RGS6: variants seen among roughly 807,000 people sequenced by gnomAD.
RGS6 encodes regulator of G-protein signaling 6.
In RGS6, 30 loss-of-function variants were observed where a neutral mutation model predicts 78.5. The ratio of observed to expected loss-of-function variants is 0.38; its 90% confidence interval spans 0.29 to 0.52. The LOEUF (loss-of-function observed/expected upper bound fraction) is 0.52, where lower values mean the gene tolerates loss of function less well. Ranked by LOEUF, RGS6 falls within the 20% of genes least tolerant of loss-of-function variation. The pLI is 0.85. For synonymous variants in RGS6, 206 were observed against 206.0 expected (o/e 1.00, Z 0.00); for missense variants, 495 against 609.7 (o/e 0.81, Z 1.98).
chr14:71,958,746 A>G (rs1302348337), intron 1 of RGS6, among the ~76,000 whole-genome samples: 1 of 152,180 alleles, frequency 6.6e-6, no homozygotes, highest in East Asian at 1.9e-4. Flanking sequence ...GCTCCATGGA[A>G]TCTAGGTCAG....
chr14:72,392,080 G>A (rs1344614761), intron 3 of RGS6, among the ~76,000 whole-genome samples: 2 of 152,034 alleles, frequency 1.3e-5, no homozygotes, highest in Non-Finnish European at 1.5e-5. Flanking sequence ...GTACAGTGGT[G>A]CAATCTCGGC....
At chr14:72,244,360 T>A (rs1227228586) in intron 2 of RGS6, among the ~76,000 whole-genome samples, 1 of 152,066 alleles carries the variant, frequency 6.6e-6, no homozygotes, top group Non-Finnish European at 1.5e-5. Context: ...GCCCACACTT[T>A]CTACTTCATC....
At chr14:72,007,154 T>C (rs1263081954) in intron 2 of RGS6, among the ~76,000 whole-genome samples, 2 of 113,542 alleles carry the variant, frequency 1.8e-5, no homozygotes, top group Non-Finnish European at 4.2e-5. Flanking sequence ...GCTTTCTGAT[T>C]TTTTTTTTTT....
intron 2 of RGS6, chr14:71,990,761 A>C (rs1308047455): frequency 2.2e-6 from 1 of 456,000 alleles, no homozygotes; most frequent in South Asian, 1.5e-5. Context: ...TCCTCTCTCC[A>C]AACTCCAAAT....
At chr14:72,520,156 C>T (rs188651378) in intron 15 of RGS6, among the ~76,000 whole-genome samples, 5,680 of 152,152 alleles carry the variant, frequency 0.037, 351 homozygotes, top group African/African-American at 0.13. Flanking sequence ...ATATGTATCT[C>T]TAAAAAAAAG....
intron 2 of RGS6, among the ~76,000 whole-genome samples, chr14:72,030,556 A>T (rs1423030761): frequency 1.3e-5 from 2 of 152,202 alleles, no homozygotes; most frequent in East Asian, 3.8e-4. Flanking sequence ...AAAAAATTAG[A>T]TGATCAAATT....
intron 3 of RGS6, among the ~76,000 whole-genome samples, chr14:72,411,910 A>G (rs957373561): frequency 6.6e-6 from 1 of 152,138 alleles, no homozygotes; most frequent in Non-Finnish European, 1.5e-5. Flanking sequence ...CCTCCCAGGG[A>G]TGAAGCCCAC....
chr14:72,083,844 A>G (rs1357694938), intron 2 of RGS6, among the ~76,000 whole-genome samples: 1 of 152,152 alleles, frequency 6.6e-6, no homozygotes, highest in Non-Finnish European at 1.5e-5. Flanking sequence ...CACGAATTAA[A>G]CATTGATTGC....
At chr14:72,431,417 A>G (rs1259615013) in intron 3 of RGS6, among the ~76,000 whole-genome samples, 2 of 152,146 alleles carry the variant, frequency 1.3e-5, no homozygotes, top group African/African-American at 4.8e-5. Flanking sequence ...CAGTGGTGCG[A>G]TCTTGGCTCA....
chr14:72,451,770 T>A (rs969619933), intron 3 of RGS6, among the ~76,000 whole-genome samples: 3 of 152,164 alleles, frequency 2.0e-5, no homozygotes, highest in Admixed American at 1.3e-4. Context: ...TTTTTCTTTT[T>A]TGAGACAGCG....
intron 13 of RGS6, among the ~76,000 whole-genome samples, chr14:72,501,804 C>T (rs1033917495): frequency 3.3e-5 from 5 of 152,234 alleles, no homozygotes; most frequent in Non-Finnish European, 7.3e-5. Context: ...GTATCAGGCA[C>T]ATGAGCAAAG....
At chr14:72,054,639 G>A (rs1292080371) in intron 2 of RGS6, among the ~76,000 whole-genome samples, 2 of 152,106 alleles carry the variant, frequency 1.3e-5, no homozygotes, top group Non-Finnish European at 2.9e-5. Flanking sequence ...ATGAAAACCT[G>A]TGAGTGCAAT....
intron 2 of RGS6, among the ~76,000 whole-genome samples, chr14:72,266,783 G>A (rs1438347973): frequency 6.6e-6 from 1 of 152,154 alleles, no homozygotes. Context: ...CTGAGGGACT[G>A]CTCTTTCTCC....
chr14:72,091,207 GGCACATAGA>G (rs2095258934), intron 2 of RGS6, among the ~76,000 whole-genome samples: 1 of 152,144 alleles, frequency 6.6e-6, no homozygotes, highest in Non-Finnish European at 1.5e-5. Flanking sequence ...GCTGCCTGCT[GGCACATAGA>G]GCCCTTGGGC....
intron 2 of RGS6, among the ~76,000 whole-genome samples, chr14:72,188,178 T>A (rs1252145950): frequency 6.6e-6 from 1 of 152,162 alleles, no homozygotes; most frequent in Non-Finnish European, 1.5e-5. Context: ...GTTGTAGTGC[T>A]GTTGCTGTGA....
At chr14:72,210,243 A>G (rs2043760602) in intron 2 of RGS6, among the ~76,000 whole-genome samples, 1 of 152,246 alleles carries the variant, frequency 6.6e-6, no homozygotes, top group Admixed American at 6.5e-5. Context: ...GCTCAGAAGA[A>G]GCAAGTTATT....
chr14:72,156,453 CAAAAAA>C (rs11332387), intron 2 of RGS6, among the ~76,000 whole-genome samples: 9 of 76,774 alleles, frequency 1.2e-4, no homozygotes, highest in African/African-American at 2.2e-4. Context: ...GACTCCATCT[CAAAAAA>C]AAAAAAAAAA....
rs1009808237 is a variant in RGS6 at position 72,297,994 on chromosome 14, T to A, written c.85-54101T>A. On this transcript the variant is annotated intron_variant, in intron 2 of 17. Coordinates refer to ENST00000553525, the MANE Select transcript of RGS6 (RefSeq NM_001204424.2). ...TTGCTAATTTGTTTTAGTTTATTTA[T>A]ATCTTTGATTAATTATAGCCTTGTA... 1.3e-5 allele frequency among the ~76,000 whole-genome samples: 2 copies of A among 152,130 alleles called. 1 individual carries two copies. The highest frequency in any genetic ancestry group is 1.3e-4 in the Admixed American group (2 of 15,280).
intron 2 of RGS6, among the ~76,000 whole-genome samples, chr14:72,271,039 G>T (rs2059854698): frequency 6.6e-6 from 1 of 152,156 alleles, no homozygotes; most frequent in South Asian, 2.1e-4. Flanking sequence ...CTTTTGTTCA[G>T]ATTATTACAG....
Sources: allele counts gnomAD v4.1 joint callset (sites outside exome capture counted in the v4.1 genomes callset), GRCh38; gene constraint gnomAD v4.1.1; transcripts MANE v1.5; gene names NCBI Gene and HGNC (gene_info 2026-07-23, HGNC 2026-07-21).